NUDT9: variants seen among roughly 807,000 people sequenced by gnomAD.
NUDT9 encodes the protein ADP-ribose pyrophosphatase.
A neutral mutation model predicts 41.0 loss-of-function variants in NUDT9; 31 were observed. That is an observed-to-expected ratio of 0.76 (90% CI 0.57 to 1.02). The LOEUF (loss-of-function observed/expected upper bound fraction) is 1.02. NUDT9 is among the 50% of genes least tolerant of loss of function. NUDT9 has a pLI of 0.00. For missense variants in NUDT9, 380 were observed against 431.4 expected (o/e 0.88, Z 1.06); for synonymous variants, 146 against 147.6 (o/e 0.99, Z 0.08).
At chr4:87,433,452 G>C (rs1487370161) in intron 1 of NUDT9, among the ~76,000 whole-genome samples, 1 of 152,154 alleles carries the variant, frequency 6.6e-6, no homozygotes, top group Non-Finnish European at 1.5e-5. Flanking sequence ...ATTTTTGGGA[G>C]AAATACCTCA....
At position 87,422,936 on chromosome 4, in the gene NUDT9, G is replaced by T. The variant is rs142420069; in HGVS notation, c.31G>T (p.Ala11Ser). 4.3e-6 allele frequency: 7 copies of T among 1,612,414 alleles called. No individual in the cohort carries two copies. In the South Asian group the frequency reaches 7.7e-5, roughly 18 times the overall value. MAGRLLGKAL[A>S]AVSLSLALAS... ...GGGACGCCTCCTGGGAAAGGCTTTA[G>T]CCGCGGTGTCTCTCTCTCTGGCCTT... The change falls in exon 1 of 8, where the codon GCC (alanine) becomes TCC (serine). Residue 11 changes from alanine to serine, a missense_variant. Ala to Ser is a moderately conservative substitution (Grantham distance 99). Transcript: ENST00000302174.
chr4:87,439,123 G>A (rs998500229), intron 3 of NUDT9, among the ~76,000 whole-genome samples: 4 of 151,190 alleles, frequency 2.6e-5, no homozygotes, highest in Admixed American at 6.6e-5. Context: ...CTGAGATTGC[G>A]CCACTGCACT....
intron 4 of NUDT9, among the ~76,000 whole-genome samples, chr4:87,442,144 A>G (rs1481222700): frequency 6.6e-6 from 1 of 152,242 alleles, no homozygotes. Context: ...GTATATTTAC[A>G]TAAAACTAGA....
chr4:87,433,688 G>A (rs1164798274), intron 1 of NUDT9, among the ~76,000 whole-genome samples: 2 of 152,122 alleles, frequency 1.3e-5, no homozygotes, highest in Non-Finnish European at 1.5e-5. Context: ...TCAAGAATTC[G>A]TATTTTAAGA....
intron 2 of NUDT9, among the ~76,000 whole-genome samples, chr4:87,437,249 C>CA (rs776722819): frequency 0.18 from 9,628 of 54,990 alleles, 812 homozygotes; most frequent in East Asian, 0.26. Flanking sequence ...GACTCCATCT[C>CA]AAAAAAAAAA....
At chr4:87,439,503 A>G (rs1360243786) in intron 3 of NUDT9, among the ~76,000 whole-genome samples, 2 of 151,894 alleles carry the variant, frequency 1.3e-5, no homozygotes, top group Non-Finnish European at 2.9e-5. Context: ...TAAAAATACA[A>G]AAATTAGCTG....
Position 87,422,946 on chromosome 4 carries a change from C to T in NUDT9, c.41C>T (p.Ser14Phe). The change falls in exon 1 of 8, where the codon TCT becomes TTT. Residue 14 changes from serine (S) to phenylalanine (F), a missense_variant. Coordinates refer to ENST00000302174, the MANE Select transcript of NUDT9 (RefSeq NM_024047.5). ...RLLGKALAAV[S>F]LSLALASVTI... is the part of the protein sequence containing the mutation. ...CTGGGAAAGGCTTTAGCCGCGGTGTCTCTCTCTCTGGCCTTGGCCTCTGTG... is the reference window on the plus strand; with the variant it reads ...CTGGGAAAGGCTTTAGCCGCGGTGTTTCTCTCTCTGGCCTTGGCCTCTGTG... The T allele has an allele frequency of 6.2e-7, 1 of 1,608,458 alleles. No homozygotes were observed. The highest frequency in any genetic ancestry group is 1.1e-5 in the South Asian group (1 of 90,546).
chr4:87,439,759 C>T (rs1722118700), intron 3 of NUDT9, among the ~76,000 whole-genome samples: 1 of 152,180 alleles, frequency 6.6e-6, no homozygotes, highest in Non-Finnish European at 1.5e-5. Context: ...CACCTCCCAC[C>T]AGGTTCTGCC....
rs1163899784 is a variant in NUDT9 at position 87,451,571 on chromosome 4, T to G, written c.643-18T>G. ...CAAAGCTGATCCCTTTTTTCAAAATTTTTAATGTGACTCTTAGGGGATGGT... is the reference window on the plus strand; with the variant it reads ...CAAAGCTGATCCCTTTTTTCAAAATGTTTAATGTGACTCTTAGGGGATGGT... On this transcript the variant is annotated intron_variant, in intron 5 of 7. Transcript: ENST00000302174. 6.3e-7 allele frequency: 1 copy of G among 1,599,048 alleles called. No individual in the cohort carries two copies. The highest frequency in any genetic ancestry group is 2.2e-5 in the East Asian group (1 of 44,790).
intron 4 of NUDT9, among the ~76,000 whole-genome samples, chr4:87,448,872 T>C (rs954745425): frequency 1.1e-4 from 17 of 152,230 alleles, no homozygotes; most frequent in African/African-American, 4.1e-4. Flanking sequence ...GTTAATACTT[T>C]AAGTAGTAAA....
At chr4:87,446,096 T>G (rs2110181515) in intron 4 of NUDT9, among the ~76,000 whole-genome samples, 1 of 152,220 alleles carries the variant, frequency 6.6e-6, no homozygotes, top group African/African-American at 2.4e-5. Context: ...TCTATTCTGT[T>G]TCTCATCCTT....
At chr4:87,432,507 G>T in intron 1 of NUDT9, among the ~76,000 whole-genome samples, 1 of 151,934 alleles carries the variant, frequency 6.6e-6, no homozygotes. Context: ...GTTCTGGCTA[G>T]AACTTCTATT....
At chr4:87,452,975 C>T (rs991191911) in intron 6 of NUDT9, among the ~76,000 whole-genome samples, 2 of 151,738 alleles carry the variant, frequency 1.3e-5, no homozygotes, top group African/African-American at 2.4e-5. Flanking sequence ...CCATGCCTGA[C>T]TAATTTTTGT....
intron 1 of NUDT9, among the ~76,000 whole-genome samples, chr4:87,424,291 G>A (rs369270052): frequency 1.6e-5 from 2 of 121,650 alleles, no homozygotes; most frequent in African/African-American, 6.4e-5. Flanking sequence ...AAGGAGTTTC[G>A]CTCTGTCGCC....
At chr4:87,451,323 C>T (rs1722699435) in intron 5 of NUDT9, among the ~76,000 whole-genome samples, 1 of 152,074 alleles carries the variant, frequency 6.6e-6, no homozygotes, top group Non-Finnish European at 1.5e-5. Context: ...GTCCTTTTTC[C>T]TTAGTTCGAG....
At chr4:87,442,007 G>A in intron 4 of NUDT9, 92 bp downstream of exon 4, 1 of 787,874 alleles carries the variant, frequency 1.3e-6, no homozygotes, top group Non-Finnish European at 2.0e-6. Context: ...ATGTATACCT[G>A]TGTGTATATA....
Position 87,454,467 on chromosome 4 carries a change from T to C in NUDT9, c.874+12T>C. The stretch of plus-strand genomic sequence containing the variant: ...CCATGACGAAACAGGTAACTTTATA[T>C]TTATTAAACTGGCTGGGATTAAAGG... On this transcript the variant is annotated intron_variant, in intron 7 of 7. Coordinates refer to ENST00000302174, the MANE Select transcript of NUDT9 (RefSeq NM_024047.5). 6.6e-7 allele frequency: 1 copy of C among 1,517,186 alleles called. No homozygotes were observed. The highest frequency in any genetic ancestry group is 9.2e-7 in the Non-Finnish European group (1 of 1,091,714). The allele number at this position is 1,517,186 out of a possible 1,614,324, so 94.0% of individuals were successfully genotyped here.
intron 3 of NUDT9, among the ~76,000 whole-genome samples, chr4:87,439,773 A>G (rs1437829795): frequency 6.6e-6 from 1 of 152,182 alleles, no homozygotes; most frequent in Non-Finnish European, 1.5e-5. Context: ...TTCTGCCCTC[A>G]ATTTTCGAGA....
intron 6 of NUDT9, 111 bp from the exon 7 acceptor site, chr4:87,454,257 TTCA>T: frequency 1.6e-6 from 1 of 645,014 alleles, no homozygotes; most frequent in Non-Finnish European, 2.8e-6. Context: ...ATTAAGTATG[TTCA>T]TGTTGTTGGG....
Sources: gnomAD v4.1 joint callset for allele counts (sites outside exome capture counted in the v4.1 genomes callset) on GRCh38, gnomAD v4.1.1 for gene constraint, MANE v1.5 for transcripts, NCBI Gene and HGNC (gene_info 2026-07-23, HGNC 2026-07-21) for gene names.